PLSCR1: variants seen among roughly 807,000 people sequenced by gnomAD.
The protein encoded by PLSCR1 is phospholipid scramblase 1.
In PLSCR1, 17 loss-of-function variants were observed where a neutral mutation model predicts 37.8. The observed-to-expected ratio is 0.45, with a 90% CI of 0.31 to 0.68. The LOEUF (loss-of-function observed/expected upper bound fraction) is 0.68. Among genes scored for constraint, PLSCR1 ranks in the 30% least tolerant of loss-of-function variants. The pLI, the probability that PLSCR1 is intolerant of heterozygous loss-of-function variation, is 0.06. For missense variants in PLSCR1, 347 were observed against 380.9 expected (o/e 0.91, Z 0.74); for synonymous variants, 116 against 125.9 (o/e 0.92, Z 0.53).
rs551046532 is a variant in PLSCR1 at position 146,535,520 on chromosome 3, A to G, written c.13+1020T>C. On this transcript the variant is annotated intron_variant, in intron 2 of 8. Coordinates refer to ENST00000342435, the MANE Select transcript of PLSCR1 (RefSeq NM_021105.3). ...CTTAAAGGTACTTTTTTTTATGTCT[A>G]CATGTATGTATATATACATATTTAC... is the stretch of plus-strand genomic sequence containing the variant. Among the ~76,000 whole-genome samples the G allele has an allele frequency of 2.6e-5, 4 of 152,328 alleles. No individual in the cohort carries two copies. The South Asian group carries it at 8.3e-4, about 32-fold the overall frequency.
intron 5 of PLSCR1, among the ~76,000 whole-genome samples, chr3:146,524,008 G>A (rs1279543566): frequency 6.6e-6 from 1 of 152,172 alleles, no homozygotes; most frequent in Non-Finnish European, 1.5e-5. Context: ...GCCTTCACAA[G>A]TCTTACCACC....
chr3:146,517,182 A>G lies in PLSCR1; in HGVS notation c.739-15T>C. On this transcript the variant is annotated splice_polypyrimidine_tract_variant and intron_variant, in intron 7 of 8. Coordinates refer to ENST00000342435, the MANE Select transcript of PLSCR1 (RefSeq NM_021105.3). ...AGAGATTTAATCTAAATTGAAAAAA[A>G]AAAGTATTAAATACTTTTAGGAAAC... 1 of 1,450,580 alleles carries G rather than the reference A, an allele frequency of 6.9e-7. No homozygotes were observed. Among genetic ancestry groups the G allele is most frequent in the Non-Finnish European group, 9.3e-7 (1 of 1,075,658 alleles). The allele number at this position is 1,450,580 out of a possible 1,614,324, so 89.9% of individuals were successfully genotyped here. A position where few individuals can be genotyped will look rare whatever the true frequency, so the allele number is the denominator to read the frequency against.
intron 7 of PLSCR1, 26 bp downstream of exon 7, chr3:146,521,518 C>T (rs1426970480): frequency 6.3e-7 from 1 of 1,596,182 alleles, no homozygotes; most frequent in Non-Finnish European, 8.6e-7. Flanking sequence ...GAAAGCAAAT[C>T]TTATAAACAT....
chr3:146,534,441 A>T (rs2108659023), intron 2 of PLSCR1, among the ~76,000 whole-genome samples: 1 of 152,334 alleles, frequency 6.6e-6, no homozygotes, highest in South Asian at 2.1e-4. Flanking sequence ...ATATAGAAGA[A>T]CATATAGGTC....
At chr3:146,539,649 A>G (rs1190230132) in intron 1 of PLSCR1, among the ~76,000 whole-genome samples, 2 of 152,226 alleles carry the variant, frequency 1.3e-5, no homozygotes, top group East Asian at 3.8e-4. Context: ...CAATTTGTTC[A>G]TATTTGCTCT....
intron 8 of PLSCR1, 153 bp downstream of exon 8, chr3:146,516,853 T>C: frequency 1.7e-6 from 1 of 572,194 alleles, no homozygotes; most frequent in Non-Finnish European, 3.0e-6. Context: ...AGTGTCAGGA[T>C]CAAATAGAAT....
At chr3:146,523,234 A>C (rs2044057211) in intron 5 of PLSCR1, among the ~76,000 whole-genome samples, 1 of 152,194 alleles carries the variant, frequency 6.6e-6, no homozygotes, top group African/African-American at 2.4e-5. Flanking sequence ...TCCCTTCATT[A>C]TGTGAGACAC....
chr3:146,529,071 AG>A (rs1313210117), intron 3 of PLSCR1, among the ~76,000 whole-genome samples: 2 of 152,222 alleles, frequency 1.3e-5, no homozygotes, highest in Non-Finnish European at 2.9e-5. Context: ...AAAACTCAGA[AG>A]GAAAATATGC....
At chr3:146,538,720 T>A (rs535636404) in intron 1 of PLSCR1, among the ~76,000 whole-genome samples, 106 of 152,298 alleles carry the variant, frequency 7.0e-4, no homozygotes, top group African/African-American at 1.9e-3. Flanking sequence ...TTTTTTATTT[T>A]TTTTTATTTT....
At chr3:146,530,494 A>G (rs2044181285) in intron 3 of PLSCR1, among the ~76,000 whole-genome samples, 1 of 152,204 alleles carries the variant, frequency 6.6e-6, no homozygotes. Context: ...TAAAACAAAA[A>G]AAATTCATAT....
intron 3 of PLSCR1, among the ~76,000 whole-genome samples, chr3:146,532,004 A>C (rs2044205650): frequency 6.6e-6 from 1 of 152,202 alleles, no homozygotes; most frequent in Admixed American, 6.5e-5. Context: ...GTTAGTCCAC[A>C]TTAACTCCAC....
At chr3:146,521,766 G>C in intron 6 of PLSCR1, 61 bp from the exon 7 acceptor site, 1 of 1,574,160 alleles carries the variant, frequency 6.4e-7, no homozygotes, top group Non-Finnish European at 8.7e-7. Flanking sequence ...TCGATGAAAG[G>C]TTCAATGACA....
intron 1 of PLSCR1, among the ~76,000 whole-genome samples, chr3:146,537,086 A>C (rs2044274995): frequency 6.6e-6 from 1 of 151,742 alleles, no homozygotes; most frequent in Non-Finnish European, 1.5e-5. Context: ...TGCAAATTTG[A>C]GAAGGCCTGA....
At chr3:146,539,286 C>T (rs750976418) in intron 1 of PLSCR1, among the ~76,000 whole-genome samples, 3 of 152,130 alleles carry the variant, frequency 2.0e-5, no homozygotes, top group Admixed American at 6.5e-5. Flanking sequence ...GAATCTAATG[C>T]CACTGCTGAT....
intron 2 of PLSCR1, among the ~76,000 whole-genome samples, chr3:146,535,757 T>C (rs756544304): frequency 6.6e-6 from 1 of 152,172 alleles, no homozygotes; most frequent in Non-Finnish European, 1.5e-5. Flanking sequence ...GCTTTGAGTT[T>C]TGTAAGTAAA....
At chr3:146,524,850 A>G (rs981289045) in intron 5 of PLSCR1, among the ~76,000 whole-genome samples, 2 of 152,250 alleles carry the variant, frequency 1.3e-5, no homozygotes, top group Non-Finnish European at 2.9e-5. Context: ...CTTTGGAGAC[A>G]GGTGAAAATG....
chr3:146,521,757 C>A (rs751097095), intron 6 of PLSCR1, 52 bp from the exon 7 acceptor site: 1 of 1,578,864 alleles, frequency 6.3e-7, no homozygotes, highest in Non-Finnish European at 8.7e-7. Flanking sequence ...TGCCTAGGTT[C>A]GATGAAAGGT....
At chr3:146,536,476 TAAC>T (rs2044267257) in intron 2 of PLSCR1, 61 bp downstream of exon 2, 4 of 908,910 alleles carry the variant, frequency 4.4e-6, no homozygotes, top group South Asian at 1.3e-5. Flanking sequence ...TTATGACAAA[TAAC>T]AAGTTACCAA....
Position 146,525,738 on chromosome 3 carries a change from A to G in PLSCR1, c.313-91T>C, listed in dbSNP as rs115263156. 2.0e-5 allele frequency: 12 copies of G among 614,894 alleles called. No individual in the cohort carries two copies. In the South Asian group the frequency reaches 2.4e-4, roughly 13 times the overall value. 38.1% of individuals were successfully genotyped at this position (614,894 alleles called of 1,614,324 possible). A position where few individuals can be genotyped will look rare whatever the true frequency, so the allele number is the denominator to read the frequency against. ...TTAAAATTCATGTATTTATATTTTT[A>G]AAGTACATGTAACCAATTATCAATA... On this transcript the variant is annotated intron_variant, in intron 4 of 8. Transcript: ENST00000342435.
Sources: gnomAD v4.1 joint callset for allele counts (sites outside exome capture counted in the v4.1 genomes callset) on GRCh38, gnomAD v4.1.1 for gene constraint, MANE v1.5 for transcripts, NCBI Gene and HGNC (gene_info 2026-07-23, HGNC 2026-07-21) for gene names.